PTPRD: variants seen among roughly 807,000 people sequenced by gnomAD.
The protein encoded by PTPRD is receptor-type tyrosine-protein phosphatase delta.
A neutral mutation model predicts 214.5 loss-of-function variants in PTPRD; 34 were observed. The observed-to-expected ratio is 0.16, with a 90% CI of 0.12 to 0.21. PTPRD has a LOEUF of 0.21. PTPRD is among the 10% of genes least tolerant of loss of function. The pLI is 1.00. For synonymous variants in PTPRD, 1,128 were observed against 845.7 expected (o/e 1.33, Z -5.79); for missense variants, 2,545 against 2,398.7 (o/e 1.06, Z -1.27).
At chr9:9,647,585 G>A (rs2096227817) in intron 7 of PTPRD, among the ~76,000 whole-genome samples, 1 of 152,096 alleles carries the variant, frequency 6.6e-6, no homozygotes, top group Admixed American at 6.6e-5. Context: ...ATGAATGTGG[G>A]CCAAAAATCA....
At chr9:10,463,943 A>C (rs976054667) in intron 2 of PTPRD, among the ~76,000 whole-genome samples, 1 of 152,214 alleles carries the variant, frequency 6.6e-6, no homozygotes, top group Non-Finnish European at 1.5e-5. Flanking sequence ...TAAATAAATA[A>C]GAGAACTTCT....
chr9:9,725,353 A>G (rs764224407), intron 7 of PTPRD, among the ~76,000 whole-genome samples: 10 of 151,544 alleles, frequency 6.6e-5, no homozygotes, highest in Admixed American at 1.3e-4. Context: ...TGTAAAAGAC[A>G]TAACTCACTC....
At chr9:10,031,323 T>C (rs1006103473) in intron 4 of PTPRD, among the ~76,000 whole-genome samples, 2 of 152,106 alleles carry the variant, frequency 1.3e-5, no homozygotes, top group African/African-American at 4.8e-5. Context: ...TGTATGGGTG[T>C]TGCCAAAGGA....
intron 2 of PTPRD, among the ~76,000 whole-genome samples, chr9:10,487,965 A>AATCTCTCTCTCT (rs2099143374): frequency 1.9e-5 from 1 of 51,662 alleles, no homozygotes; most frequent in Admixed American, 2.0e-4. Flanking sequence ...AAATGAACAC[A>AATCTCTCTCTCT]GTCTCTCTCT....
At chr9:9,782,596 T>C (rs929149772) in intron 5 of PTPRD, among the ~76,000 whole-genome samples, 1 of 152,202 alleles carries the variant, frequency 6.6e-6, no homozygotes, top group Non-Finnish European at 1.5e-5. Context: ...CCCTGCCCAG[T>C]AATCCTTTGA....
rs370788188 is a variant in PTPRD at position 9,742,238 on chromosome 9, T to C, written c.-325-7667A>G. Among the ~76,000 whole-genome samples the C allele has an allele frequency of 2.6e-5, 4 of 152,222 alleles. No individual in the cohort carries two copies. The East Asian group carries it at 7.7e-4, about 29-fold the overall frequency. On this transcript the variant is annotated intron_variant, in intron 6 of 45. Transcript: ENST00000381196. ...GTCTGTTCAAATTAAATTAGTAAAA[T>C]TGGCTGAGAAACTTAAGGAAGAGAC...
chr9:9,457,228 A>G (rs1479724341), intron 8 of PTPRD, among the ~76,000 whole-genome samples: 2 of 151,946 alleles, frequency 1.3e-5, no homozygotes. Flanking sequence ...TTCCATTCTG[A>G]TGATAAAAAT....
intron 14 of PTPRD, among the ~76,000 whole-genome samples, chr9:8,599,876 C>A (rs1340850813): frequency 6.6e-6 from 1 of 152,092 alleles, no homozygotes; most frequent in Non-Finnish European, 1.5e-5. Context: ...CTCGGCCCCC[C>A]AAATTGCTGG....
intron 9 of PTPRD, among the ~76,000 whole-genome samples, chr9:9,295,549 G>A (rs971492951): frequency 1.3e-5 from 2 of 151,760 alleles, no homozygotes; most frequent in African/African-American, 4.8e-5. Context: ...TGCAAGGGTA[G>A]CTATGTCCAA....
In PTPRD at chr9:8,314,497, C is replaced by T. The variant is rs1167395632; in HGVS notation, c.*3377G>A. ...GCATCCAAAACGAGAGCAAAGAACA[C>T]AACTGTTATTATCTTTGTAAAGACA... On this transcript the variant is annotated 3_prime_UTR_variant, in exon 46 of 46. Transcript: ENST00000381196. 2 of 231,772 alleles carry T rather than the reference C, an allele frequency of 8.6e-6. No homozygotes were observed. The highest frequency in any genetic ancestry group is 5.7e-5 in the Admixed American group (1 of 17,684). 14.4% of individuals were successfully genotyped at this position (231,772 alleles called of 1,614,324 possible).
intron 7 of PTPRD, among the ~76,000 whole-genome samples, chr9:9,593,605 G>A (rs188002074): frequency 2.0e-5 from 3 of 152,080 alleles, no homozygotes; most frequent in Admixed American, 1.3e-4. Flanking sequence ...GAAGGAATGT[G>A]GAGGCAGCCC....
intron 7 of PTPRD, among the ~76,000 whole-genome samples, chr9:9,686,739 A>G (rs999107560): frequency 1.3e-5 from 2 of 151,794 alleles, no homozygotes; most frequent in African/African-American, 4.8e-5. Flanking sequence ...ATACTTACAT[A>G]TAACAGGTAA....
intron 4 of PTPRD, among the ~76,000 whole-genome samples, chr9:10,014,355 A>G (rs1396029491): frequency 1.3e-5 from 2 of 151,980 alleles, no homozygotes; most frequent in East Asian, 3.9e-4. Context: ...GTCTTCCAAG[A>G]AGGAATGTTA....
chr9:8,704,586 T>C (rs1316776500), intron 12 of PTPRD, among the ~76,000 whole-genome samples: 2 of 152,118 alleles, frequency 1.3e-5, no homozygotes, highest in Non-Finnish European at 2.9e-5. Flanking sequence ...ATGAAAGTTG[T>C]CTGTACACTA....
At chr9:9,094,522 G>A (rs2099780741) in intron 10 of PTPRD, among the ~76,000 whole-genome samples, 1 of 152,080 alleles carries the variant, frequency 6.6e-6, no homozygotes, top group Non-Finnish European at 1.5e-5. Context: ...CTTACGGTTG[G>A]GGGAAAGTTG....
chr9:9,377,481 T>C (rs2061096821), intron 9 of PTPRD, among the ~76,000 whole-genome samples: 1 of 152,190 alleles, frequency 6.6e-6, no homozygotes, highest in African/African-American at 2.4e-5. Context: ...AAGTCCTTTA[T>C]ATACATCATC....
At chr9:8,880,600 T>G (rs906808958) in intron 11 of PTPRD, among the ~76,000 whole-genome samples, 1 of 152,074 alleles carries the variant, frequency 6.6e-6, no homozygotes, top group Non-Finnish European at 1.5e-5. Context: ...AACAAGCAAA[T>G]AGACCAGGTA....
At chr9:10,264,008 C>T (rs935832184) in intron 3 of PTPRD, among the ~76,000 whole-genome samples, 4 of 152,172 alleles carry the variant, frequency 2.6e-5, no homozygotes, top group Non-Finnish European at 5.9e-5. Context: ...CAAGGCTTGG[C>T]AGCTTCCACA....
chr9:9,264,890 T>A (rs1050051396), intron 9 of PTPRD, among the ~76,000 whole-genome samples: 2 of 107,204 alleles, frequency 1.9e-5, no homozygotes, highest in Non-Finnish European at 2.0e-5. Flanking sequence ...GTATTCAAAG[T>A]GATGAAAGAA....
Sources: gnomAD v4.1 joint callset for allele counts (sites outside exome capture counted in the v4.1 genomes callset) on GRCh38, gnomAD v4.1.1 for gene constraint, MANE v1.5 for transcripts, NCBI Gene and HGNC (gene_info 2026-07-23, HGNC 2026-07-21) for gene names.